GBP5: variants seen among roughly 807,000 people sequenced by gnomAD.
The protein encoded by GBP5 is guanylate-binding protein 5.
Under a neutral mutation model 58.2 loss-of-function variants are expected in GBP5, and 48 were observed. The observed-to-expected ratio is 0.83, with a 90% CI of 0.65 to 1.05. The LOEUF is 1.05. Ranked by LOEUF, GBP5 falls within the 50% of genes least tolerant of loss-of-function variation. The probability of loss-of-function intolerance (pLI) is 0.00; values close to 1 mark genes in which losing one functional copy is unlikely to be tolerated. For synonymous variants in GBP5, 248 were observed against 251.8 expected, an observed-to-expected ratio of 0.98 and a Z score of 0.14; for missense variants, 714 against 686.8, an observed-to-expected ratio of 1.04 and a Z score of -0.44.
rs1170196796 is a variant in GBP5, at chr1:89,263,805, A to G, written c.1293T>C (p.His431=). Residue 431 remains histidine, a synonymous_variant, in exon 9 of 12, where the codon CAT becomes CAC. Coordinates refer to ENST00000370459, the MANE Select transcript of GBP5 (RefSeq NM_052942.5). ...CTTCTGTTTTCTGAATGAAGAGATT[A>G]TGGCCTCCTGGCTTAGAATAAATTC... ...KQGIYSKPGG[H]NLFIQKTEEL... 18 of 1,613,706 alleles carry G rather than the reference A, an allele frequency of 1.1e-5. No homozygotes were observed. Among genetic ancestry groups the G allele is most frequent in the Non-Finnish European group, 1.4e-5 (17 of 1,179,944 alleles).
intron 4 of GBP5, among the ~76,000 whole-genome samples, chr1:89,267,936 T>C (rs987834189): frequency 3.3e-5 from 5 of 152,200 alleles, no homozygotes; most frequent in African/African-American, 1.2e-4. Flanking sequence ...CTCCATTTTG[T>C]AGGTAAGGAA....
intron 5 of GBP5, 48 bp from the exon 6 acceptor site, chr1:89,267,201 C>T: frequency 6.9e-7 from 1 of 1,450,086 alleles, no homozygotes. Flanking sequence ...CACATCTAAA[C>T]CCATACTTAA....
At position 89,266,852 on chromosome 1, in the gene GBP5, A is replaced by AAT. The variant is rs150724949; in HGVS notation, c.625+103_625+104dup. The stretch of plus-strand genomic sequence containing the variant: ...ATTTATTTTTTAGGAGAGCTGGGTG[A>AAT]ATATATATATATATAGAAAACCATA... On this transcript the variant is annotated intron_variant, in intron 6 of 11. Transcript: ENST00000370459. 2,078 of 652,216 alleles carry AAT rather than the reference A, an allele frequency of 3.2e-3. 12 individuals carry two copies. The highest frequency in any genetic ancestry group is 0.019 in the African/African-American group (975 of 51,528). The allele number at this position is 652,216 out of a possible 1,614,324, so 40.4% of individuals were successfully genotyped here.
chr1:89,262,174 C>A (rs1401212852), intron 11 of GBP5, 46 bp downstream of exon 11: 5 of 1,578,290 alleles, frequency 3.2e-6, no homozygotes, highest in Non-Finnish European at 4.3e-6. Flanking sequence ...CTGCTACATA[C>A]TCTCATCGTT....
rs1319050483 is a variant in GBP5, at chr1:89,256,228, A to G, written c.*4476T>C. ...AAAGATTTTATTAACAAATGAAGCAAGGCATAAAAGAATACAAACAATGTA... is the reference window on the plus strand; with the variant it reads ...AAAGATTTTATTAACAAATGAAGCAGGGCATAAAAGAATACAAACAATGTA... On this transcript the variant is annotated 3_prime_UTR_variant, in exon 12 of 12. Transcript: ENST00000370459. 6.6e-6 allele frequency among the ~76,000 whole-genome samples: 1 copy of G among 152,204 alleles called. No homozygotes were observed. Among genetic ancestry groups the G allele is most frequent in the Non-Finnish European group, 1.5e-5 (1 of 68,036 alleles).
In GBP5 at chr1:89,268,807, T is replaced by C. The variant is rs148175816; in HGVS notation, c.240A>G (p.Ile80Met). Residue 80 changes from isoleucine to methionine, a missense_variant, in exon 4 of 12, where the codon ATA (isoleucine) becomes ATG (methionine). Physicochemically the swap from Ile to Met is conservative, Grantham distance 10. Coordinates refer to ENST00000370459, the MANE Select transcript of GBP5 (RefSeq NM_052942.5). The stretch of plus-strand genomic sequence containing the variant: ...GCCAGTTGGGATGAGGCACACACCA[T>C]ATCCAAATTCCCTTGGTGTGAGACT... ...TVQSHTKGIW[I>M]WCVPHPNWPN... is the part of the protein sequence containing the mutation. 8.7e-6 allele frequency: 14 copies of C among 1,613,730 alleles called. No individual in the cohort carries two copies. The highest frequency in any genetic ancestry group is 1.1e-5 in the Non-Finnish European group (13 of 1,179,676).
chr1:89,262,680 C>A lies in GBP5; in HGVS notation c.1465+3G>T. On this transcript the variant is annotated splice_donor_region_variant and intron_variant, in intron 10 of 11. Coordinates refer to ENST00000370459, the MANE Select transcript of GBP5 (RefSeq NM_052942.5). ...TCTTGCATAATTTCCACTTTCTTCT[C>A]ACCTTTCTTCTTTTTTTCCGTCTCT... 1 of 1,579,566 alleles carries A rather than the reference C, an allele frequency of 6.3e-7. No individual in the cohort carries two copies. The highest frequency in any genetic ancestry group is 1.1e-5 in the South Asian group (1 of 90,350).
Position 89,268,713 on chromosome 1 carries a change from A to G in GBP5, c.318+16T>C. 2.5e-6 allele frequency: 4 copies of G among 1,613,450 alleles called. No homozygotes were observed. Among genetic ancestry groups the G allele is most frequent in the Non-Finnish European group, 3.4e-6 (4 of 1,179,556 alleles). ...GTTCAGAGATTAGGAGGTTAAAAAAAGGAATCCTTCCTTACCTTCTCTACA... is the reference window on the plus strand; with the variant it reads ...GTTCAGAGATTAGGAGGTTAAAAAAGGGAATCCTTCCTTACCTTCTCTACA... On this transcript the variant is annotated intron_variant, in intron 4 of 11. Coordinates refer to ENST00000370459, the MANE Select transcript of GBP5 (RefSeq NM_052942.5).
intron 10 of GBP5, 122 bp downstream of exon 10, chr1:89,262,561 G>T: frequency 2.2e-6 from 2 of 893,190 alleles, no homozygotes; most frequent in South Asian, 1.6e-5. Context: ...AGATATGCTT[G>T]AGGAGCTAAG....
rs749463583 is a variant in GBP5 at position 89,266,594 on chromosome 1, G to A, written c.626-6C>T. 6 of 1,603,134 alleles carry A rather than the reference G, an allele frequency of 3.7e-6. No homozygotes were observed. Among genetic ancestry groups the A allele is most frequent in the South Asian group, 3.3e-5 (3 of 89,724 alleles). On this transcript the variant is annotated splice_region_variant and splice_polypyrimidine_tract_variant and intron_variant, in intron 6 of 11. Coordinates refer to ENST00000370459, the MANE Select transcript of GBP5 (RefSeq NM_052942.5). Reference sequence around the variant, plus strand: ...TTGAACTCTTTGATCACTACCTGGAGAATAAAAAATAGGATTTATTTAGCA... The same window carrying A: ...TTGAACTCTTTGATCACTACCTGGAAAATAAAAAATAGGATTTATTTAGCA...
In GBP5 at chr1:89,263,516, A is replaced by G. The variant is rs1489096457; in HGVS notation, c.1362+220T>C. On this transcript the variant is annotated intron_variant, in intron 9 of 11. Transcript: ENST00000370459. ...AGTCTGGTGATTATGGTGATGGTTC[A>G]GTTTAACCCCACTGCTACCATTAGA... 8.9e-6 allele frequency: 4 copies of G among 451,508 alleles called. No homozygotes were observed. In the South Asian group the frequency reaches 1.5e-4, roughly 17 times the overall value. The allele number at this position is 451,508 out of a possible 1,614,324, so 28.0% of individuals were successfully genotyped here. A position where few individuals can be genotyped will look rare whatever the true frequency, so the allele number is the denominator to read the frequency against.
In GBP5 at chr1:89,262,275, A is replaced by G. The variant is rs768369964; in HGVS notation, c.1592T>C (p.Ile531Thr). 14 of 1,614,026 alleles carry G rather than the reference A, an allele frequency of 8.7e-6. No individual in the cohort carries two copies. The South Asian group carries it at 1.1e-4, about 13-fold the overall frequency. ...LHQEQVRQMEIAKQNWLAEQQ... is the reference protein window; with the variant it reads ...LHQEQVRQMETAKQNWLAEQQ... ...CTCTGCCAGCCAATTTTGTTTGGCT[A>G]TCTCCATTTGTCTCACTTGTTCCTG... Residue 531 changes from isoleucine to threonine, a missense_variant, in exon 11 of 12, where the codon ATA becomes ACA. Ile to Thr is a moderately conservative substitution (Grantham distance 89). Coordinates refer to ENST00000370459, the MANE Select transcript of GBP5 (RefSeq NM_052942.5).
intron 11 of GBP5, among the ~76,000 whole-genome samples, chr1:89,261,301 A>C (rs542821284): frequency 6.6e-6 from 1 of 152,366 alleles, no homozygotes; most frequent in East Asian, 1.9e-4. Flanking sequence ...CATGCTGCTC[A>C]TACTGCTCTT....
At position 89,267,001 on chromosome 1, in the gene GBP5, A is replaced by G. The variant is rs373028065; in HGVS notation, c.581T>C (p.Val194Ala). The G allele has an allele frequency of 1.9e-6, 3 of 1,612,032 alleles. No individual in the cohort carries two copies. The African/African-American group carries it at 4.0e-5, about 22-fold the overall frequency. Residue 194 changes from valine to alanine, a missense_variant, in exon 6 of 12, where the codon GTC becomes GCC. Coordinates refer to ENST00000370459, the MANE Select transcript of GBP5 (RefSeq NM_052942.5). ...ATTCTCCAGGTATTCATCTGGTGTG[A>G]CAAGTTGCCCATCTATTTCCAGGCC... ...CLGLEIDGQL[V>A]TPDEYLENSL...
intron 7 of GBP5, 75 bp from the exon 8 acceptor site, chr1:89,265,041 G>A (rs1164267994): frequency 3.7e-6 from 5 of 1,354,748 alleles, no homozygotes; most frequent in Admixed American, 1.9e-5. Flanking sequence ...TTCTGAGAAC[G>A]TACATTTAAT....
At chr1:89,263,511 G>A in intron 9 of GBP5, 1 of 436,246 alleles carries the variant, frequency 2.3e-6, no homozygotes, top group Non-Finnish European at 4.2e-6. Flanking sequence ...TTATGGTGAT[G>A]GTTCAGTTTA....
intron 10 of GBP5, 31 bp from the exon 11 acceptor site, chr1:89,262,432 T>G: frequency 6.3e-7 from 1 of 1,576,700 alleles, no homozygotes; most frequent in Non-Finnish European, 8.7e-7. Flanking sequence ...TTCTCTAGGA[T>G]TAATGTGCCT....
In GBP5 at chr1:89,264,833, G is replaced by C; in HGVS notation, c.1002C>G (p.Asp334Glu). 1 of 1,614,152 alleles carries C rather than the reference G, an allele frequency of 6.2e-7. No homozygotes were observed. Among genetic ancestry groups the C allele is most frequent in the East Asian group, 2.2e-5 (1 of 44,884 alleles). Residue 334 changes from aspartate (D) to glutamate (E), a missense_variant, in exon 8 of 12, where the codon GAC (aspartate) becomes GAG (glutamate). Transcript: ENST00000370459. ...AAVQKAIAHY[D>E]QQMGQKVQLP... ...GCTGCACTTTCTGGCCCATTTGCTG[G>C]TCATAGTGGGCAATGGCCTTTTGCA... is the stretch of plus-strand genomic sequence containing the variant.
At chr1:89,267,314 T>A in intron 5 of GBP5, 103 bp downstream of exon 5, 1 of 1,004,458 alleles carries the variant, frequency 1.0e-6, no homozygotes, top group Admixed American at 2.2e-5. Flanking sequence ...TCAATGTTTA[T>A]CACGTTTCCA....
Sources: allele counts gnomAD v4.1 joint callset (sites outside exome capture counted in the v4.1 genomes callset), GRCh38; gene constraint gnomAD v4.1.1; transcripts MANE v1.5; gene names NCBI Gene and HGNC (gene_info 2026-07-23, HGNC 2026-07-21).